RERE: variants seen among roughly 807,000 people sequenced by gnomAD.
The protein encoded by RERE is arginine-glutamic acid dipeptide repeats.
In RERE, 40 loss-of-function variants were observed where a neutral mutation model predicts 146.1. The ratio of observed to expected loss-of-function variants is 0.27; its 90% CI spans 0.21 to 0.36. The LOEUF is 0.36. Among genes scored for constraint, RERE ranks in the 10% least tolerant of loss-of-function variants. The pLI, the probability that RERE is intolerant of heterozygous loss-of-function variation, is 1.00. For missense variants in RERE, 1,933 were observed against 2,138.7 expected (o/e 0.90, Z 1.90); for synonymous variants, 1,003 against 866.0 (o/e 1.16, Z -2.78).
intron 7 of RERE, among the ~76,000 whole-genome samples, chr1:8,515,130 G>A (rs1386263424): frequency 1.3e-5 from 2 of 152,160 alleles, no homozygotes. Context: ...CAGCACTCTG[G>A]GACGCTGAGG....
chr1:8,480,165 A>C (rs1309033165), intron 10 of RERE, among the ~76,000 whole-genome samples: 1 of 133,196 alleles, frequency 7.5e-6, no homozygotes, highest in Non-Finnish European at 1.5e-5. Flanking sequence ...TTTGAGACAC[A>C]GTCTCGCTCT....
intron 1 of RERE, among the ~76,000 whole-genome samples, chr1:8,730,334 G>A (rs540607605): frequency 6.6e-6 from 1 of 151,792 alleles, no homozygotes; most frequent in Non-Finnish European, 1.5e-5. Flanking sequence ...TGTTTTTGGG[G>A]TTTTTTTTGT....
intron 7 of RERE, among the ~76,000 whole-genome samples, chr1:8,521,881 A>G (rs1175967909): frequency 1.3e-5 from 2 of 152,222 alleles, no homozygotes; most frequent in African/African-American, 4.8e-5. Context: ...GTAAGAATAG[A>G]CTTGGCCCCT....
intron 11 of RERE, among the ~76,000 whole-genome samples, chr1:8,451,626 G>A (rs558969495): frequency 4.1e-4 from 62 of 152,218 alleles, no homozygotes; most frequent in South Asian, 1.0e-3. Context: ...TGACTCCAGC[G>A]TGCTAATAGT....
At chr1:8,397,851 G>A (rs1643107841) in intron 12 of RERE, among the ~76,000 whole-genome samples, 1 of 152,202 alleles carries the variant, frequency 6.6e-6, no homozygotes, top group South Asian at 2.1e-4. Context: ...ACTGTTGCCA[G>A]AATAATCTTC....
intron 1 of RERE, among the ~76,000 whole-genome samples, chr1:8,688,399 T>A (rs1639136885): frequency 6.6e-6 from 1 of 152,046 alleles, no homozygotes; most frequent in East Asian, 1.9e-4. Context: ...CCGTCTCTAC[T>A]AAAAATACAA....
intron 12 of RERE, among the ~76,000 whole-genome samples, chr1:8,370,840 G>C (rs1182715177): frequency 1.3e-5 from 2 of 152,218 alleles, no homozygotes; most frequent in East Asian, 1.9e-4. Flanking sequence ...GAAATCAATA[G>C]CTTACTGAAA....
intron 21 of RERE, 52 bp from the exon 22 acceptor site, chr1:8,355,651 A>C: frequency 6.7e-7 from 1 of 1,481,862 alleles, no homozygotes; most frequent in Non-Finnish European, 9.1e-7. Context: ...GGACTGGCCA[A>C]GACCAGGGCG....
intron 1 of RERE, among the ~76,000 whole-genome samples, chr1:8,759,615 C>T (rs1165794756): frequency 6.6e-6 from 1 of 152,162 alleles, no homozygotes; most frequent in Non-Finnish European, 1.5e-5. Context: ...AAATCAAAAT[C>T]TCAAGAGATA....
chr1:8,668,924 C>CTG (rs58718828), intron 1 of RERE, among the ~76,000 whole-genome samples: 6,143 of 83,432 alleles, frequency 0.074, 447 homozygotes, highest in Middle Eastern at 0.12. Context: ...GCACTAAACT[C>CTG]TGTGTGTGTG....
At chr1:8,371,595 G>A (rs953548639) in intron 12 of RERE, among the ~76,000 whole-genome samples, 1 of 152,192 alleles carries the variant, frequency 6.6e-6, no homozygotes, top group Non-Finnish European at 1.5e-5. Flanking sequence ...GGGGCCTGCT[G>A]GGCTCAGGCC....
chr1:8,474,048 A>G (rs1251478035), intron 10 of RERE, among the ~76,000 whole-genome samples: 1 of 152,222 alleles, frequency 6.6e-6, no homozygotes, highest in Non-Finnish European at 1.5e-5. Context: ...ATAATTGCCC[A>G]AGTTAAATCT....
At chr1:8,404,195 T>C (rs895430724) in intron 12 of RERE, among the ~76,000 whole-genome samples, 1 of 152,104 alleles carries the variant, frequency 6.6e-6, no homozygotes, top group African/African-American at 2.4e-5. Flanking sequence ...TTTCAGAGGC[T>C]GAGGTGGGTG....
intron 10 of RERE, among the ~76,000 whole-genome samples, chr1:8,490,410 C>T (rs1644965729): frequency 6.7e-6 from 1 of 149,104 alleles, no homozygotes; most frequent in South Asian, 2.1e-4. Flanking sequence ...GAGCTTCCTA[C>T]GTACAAACAA....
intron 10 of RERE, among the ~76,000 whole-genome samples, chr1:8,491,619 A>G (rs1644981377): frequency 6.6e-6 from 1 of 152,152 alleles, no homozygotes. Context: ...TCCTGCCTCA[A>G]ACAAACAAAC....
intron 1 of RERE, chr1:8,703,156 CG>C (rs35785704): frequency 6.6e-6 from 1 of 152,108 alleles, no homozygotes; most frequent in Non-Finnish European, 1.5e-5. Context: ...GCGGCGCAGG[CG>C]GGCAGGTGGG....
chr1:8,770,530 C>G (rs1041933765), intron 1 of RERE, among the ~76,000 whole-genome samples: 2 of 152,198 alleles, frequency 1.3e-5, no homozygotes, highest in African/African-American at 2.4e-5. Flanking sequence ...CTACTACGTA[C>G]TAGCTCTGTC....
intron 7 of RERE, 75 bp from the exon 8 acceptor site, chr1:8,508,750 A>T: frequency 8.3e-7 from 1 of 1,198,794 alleles, no homozygotes; most frequent in East Asian, 2.3e-5. Context: ...TTTCAAAAAA[A>T]GTAATTCTCT....
intron 4 of RERE, among the ~76,000 whole-genome samples, chr1:8,571,182 TCCTA>T (rs1458000450): frequency 1.3e-5 from 2 of 152,200 alleles, no homozygotes; most frequent in Non-Finnish European, 2.9e-5. Context: ...TGATACTGCT[TCCTA>T]CCTGAGAAAA....
Sources: allele counts gnomAD v4.1 joint callset (sites outside exome capture counted in the v4.1 genomes callset), GRCh38; gene constraint gnomAD v4.1.1; transcripts MANE v1.5; gene names NCBI Gene and HGNC (gene_info 2026-07-23, HGNC 2026-07-21).